ZCWPW1: variants seen among roughly 807,000 people sequenced by gnomAD.
ZCWPW1 encodes zinc finger CW-type PWWP domain protein 1.
Under a neutral mutation model 81.3 loss-of-function variants are expected in ZCWPW1, and 56 were observed. That is an observed-to-expected ratio of 0.69 (90% CI 0.56 to 0.86). The LOEUF is 0.86. Ranked by LOEUF, ZCWPW1 falls within the 40% of genes least tolerant of loss-of-function variation. The pLI is 0.00. For synonymous variants in ZCWPW1, 250 were observed against 273.7 expected (o/e 0.91, Z 0.86); for missense variants, 650 against 769.8 (o/e 0.84, Z 1.84).
intron 2 of ZCWPW1, among the ~76,000 whole-genome samples, 166 bp downstream of exon 2, chr7:100,424,864 C>T (rs1415459543): frequency 6.6e-6 from 1 of 152,122 alleles, no homozygotes; most frequent in African/African-American, 2.4e-5. Context: ...TAAAGATCTT[C>T]CTAGGCCAAA....
At chr7:100,406,405 G>C (rs1793018876) in intron 12 of ZCWPW1, among the ~76,000 whole-genome samples, 1 of 152,082 alleles carries the variant, frequency 6.6e-6, no homozygotes, top group African/African-American at 2.4e-5. Flanking sequence ...GAAATCCTGA[G>C]TTAATCTGTG....
At chr7:100,404,988 G>A (rs1316164344) in intron 13 of ZCWPW1, 25 bp downstream of exon 13, 2 of 1,604,668 alleles carry the variant, frequency 1.2e-6, no homozygotes, top group African/African-American at 1.3e-5. Context: ...GGAAAGGAAT[G>A]GGTGTGGTCT....
chr7:100,420,482 C>G, intron 3 of ZCWPW1, 140 bp downstream of exon 3: 1 of 922,198 alleles, frequency 1.1e-6, no homozygotes, highest in Non-Finnish European at 1.7e-6. Flanking sequence ...TTATTTCACT[C>G]AAAGCATCTA....
At chr7:100,419,261 G>A in intron 4 of ZCWPW1, 72 bp from the exon 5 acceptor site, 1 of 1,346,988 alleles carries the variant, frequency 7.4e-7, no homozygotes, top group Non-Finnish European at 1.0e-6. Context: ...AGTCAGGGAA[G>A]CCTCCTTCAG....
At position 100,425,109 on chromosome 7, in the gene ZCWPW1, C is replaced by T. The variant is rs546101189; in HGVS notation, c.-109G>A. 1 of 152,166 alleles carries T rather than the reference C, an allele frequency of 6.6e-6. No individual in the cohort carries two copies. Among genetic ancestry groups the T allele is most frequent in the African/African-American group, 2.4e-5 (1 of 41,442 alleles). 9.4% of individuals were successfully genotyped at this position (152,166 alleles called of 1,614,324 possible). A position where few individuals can be genotyped will look rare whatever the true frequency, so the allele number is the denominator to read the frequency against. On this transcript the variant is annotated 5_prime_UTR_variant, in exon 2 of 18. Coordinates refer to ENST00000684423, the MANE Select transcript of ZCWPW1 (RefSeq NM_001386010.1). The stretch of plus-strand genomic sequence containing the variant: ...CCCTCCTCTGTTTCAGGTGAATTAA[C>T]TTCTTTCACAATAACAAATACTGAA...
chr7:100,405,734 C>G (rs1792870562), intron 12 of ZCWPW1, among the ~76,000 whole-genome samples: 1 of 152,172 alleles, frequency 6.6e-6, no homozygotes, highest in Non-Finnish European at 1.5e-5. Context: ...CTGGTTCAAG[C>G]AATTCTTGTG....
chr7:100,427,995 A>G (rs528189076), intron 1 of ZCWPW1, among the ~76,000 whole-genome samples: 1 of 147,318 alleles, frequency 6.8e-6, no homozygotes, highest in South Asian at 2.2e-4. Flanking sequence ...CCGCCAGGAG[A>G]CTGGGCTATT....
chr7:100,404,710 T>G (rs1792623626), intron 13 of ZCWPW1, among the ~76,000 whole-genome samples: 1 of 152,158 alleles, frequency 6.6e-6, no homozygotes, highest in Non-Finnish European at 1.5e-5. Flanking sequence ...CTTATCTGAC[T>G]TTTTATGGAG....
intron 12 of ZCWPW1, among the ~76,000 whole-genome samples, chr7:100,406,295 G>A (rs545740378): frequency 5.9e-5 from 9 of 152,126 alleles, no homozygotes; most frequent in Admixed American, 1.3e-4. Context: ...GTTAGATGCC[G>A]CTGGAGCCTG....
At chr7:100,405,353 G>A (rs1017939007) in intron 12 of ZCWPW1, among the ~76,000 whole-genome samples, 1 of 151,870 alleles carries the variant, frequency 6.6e-6, no homozygotes, top group Non-Finnish European at 1.5e-5. Context: ...CTTGAACCCA[G>A]GAGGCAGAGG....
intron 8 of ZCWPW1, among the ~76,000 whole-genome samples, chr7:100,413,038 C>T (rs561859319): frequency 6.6e-6 from 1 of 152,298 alleles, no homozygotes; most frequent in East Asian, 1.9e-4. Flanking sequence ...CAGGTGTAAA[C>T]CACTGTGCTC....
At chr7:100,428,037 TTC>T (rs1382093262) in intron 1 of ZCWPW1, among the ~76,000 whole-genome samples, 2 of 151,582 alleles carry the variant, frequency 1.3e-5, no homozygotes, top group Admixed American at 1.3e-4. Flanking sequence ...GGGCGACAGA[TTC>T]TGAGGAAAAA....
intron 2 of ZCWPW1, among the ~76,000 whole-genome samples, chr7:100,421,034 C>T (rs1796253708): frequency 6.6e-6 from 1 of 152,186 alleles, no homozygotes; most frequent in African/African-American, 2.4e-5. Context: ...CCTGTAGTCC[C>T]AGCTACTCTG....
rs752738989 is a variant in ZCWPW1 at position 100,419,651 on chromosome 7, C to A, written c.261G>T (p.Lys87Asn). 3 of 1,611,520 alleles carry A rather than the reference C, an allele frequency of 1.9e-6. No homozygotes were observed. The highest frequency in any genetic ancestry group is 8.5e-7 in the Non-Finnish European group (1 of 1,179,396). Residue 87 changes from lysine (K) to asparagine (N), a missense_variant, in exon 4 of 18, where the codon AAG becomes AAT. Physicochemically the swap from Lys to Asn is moderately conservative, Grantham distance 94 (BLOSUM62 0). Transcript: ENST00000684423. ...QEKKRKAQIN[K>N]QAEKKEKEKS... The stretch of plus-strand genomic sequence containing the variant: ...GTACCTTTTCTTTCTTCTCTGCTTG[C>A]TTGTTGATTTGTGCCTTTCTTTTTT...
chr7:100,405,423 T>C (rs1427761852), intron 12 of ZCWPW1, among the ~76,000 whole-genome samples: 3 of 146,496 alleles, frequency 2.0e-5, no homozygotes, highest in East Asian at 2.0e-4. Flanking sequence ...CGAGACTCCA[T>C]CTCAAAAAGA....
intron 5 of ZCWPW1, among the ~76,000 whole-genome samples, chr7:100,418,032 A>C (rs1425213419): frequency 6.6e-6 from 1 of 151,746 alleles, no homozygotes; most frequent in Non-Finnish European, 1.5e-5. Flanking sequence ...CTAGAGGTGC[A>C]CGCCACCACG....
At chr7:100,421,149 C>A (rs1796269848) in intron 2 of ZCWPW1, among the ~76,000 whole-genome samples, 1 of 152,144 alleles carries the variant, frequency 6.6e-6, no homozygotes, top group African/African-American at 2.4e-5. Context: ...GACCCTGACT[C>A]AAAAATTTAA....
rs1793758026 is a variant in ZCWPW1 at position 100,409,527 on chromosome 7, C to T, written c.772G>A (p.Val258Ile). Residue 258 changes from valine (V) to isoleucine (I), a missense_variant, in exon 9 of 18, where the codon GTC becomes ATC. Val to Ile is a conservative substitution (Grantham distance 29). Coordinates refer to ENST00000684423, the MANE Select transcript of ZCWPW1 (RefSeq NM_001386010.1). ...CCACAGTTTGGGAAGGAACACTGGA[C>T]CCAGACCAGACATTGACCTGTGAGA... The part of the protein sequence containing the change: ...ISGFGQCLVW[V>I]QCSFPNCGKW... 3.7e-6 allele frequency: 6 copies of T among 1,613,854 alleles called. No homozygotes were observed. Among genetic ancestry groups the T allele is most frequent in the Non-Finnish European group, 5.1e-6 (6 of 1,179,790 alleles).
intron 8 of ZCWPW1, among the ~76,000 whole-genome samples, chr7:100,412,832 C>T (rs1446380374): frequency 1.3e-5 from 2 of 152,194 alleles, no homozygotes; most frequent in African/African-American, 2.4e-5. Context: ...CCACCCGCCT[C>T]GGCCTCCCAA....
Sources: gnomAD v4.1 joint callset for allele counts (sites outside exome capture counted in the v4.1 genomes callset) on GRCh38, gnomAD v4.1.1 for gene constraint, MANE v1.5 for transcripts, NCBI Gene and HGNC (gene_info 2026-07-23, HGNC 2026-07-21) for gene names.